The following SHISA9 variants were observed in gnomAD, a reference collection of about 807,000 sequenced individuals.
SHISA9 encodes the protein shisa family member 9.
Under a neutral mutation model 38.0 loss-of-function variants are expected in SHISA9, and 13 were observed. That is an observed-to-expected ratio of 0.34 (90% CI 0.22 to 0.54). The LOEUF is 0.54. Ranked by LOEUF, SHISA9 falls within the 20% of genes least tolerant of loss-of-function variation. SHISA9 has a pLI of 0.91. For synonymous variants in SHISA9, 275 were observed against 242.0 expected (o/e 1.14, Z -1.27); for missense variants, 538 against 575.8 (o/e 0.93, Z 0.67).
intron 2 of SHISA9, among the ~76,000 whole-genome samples, chr16:12,967,002 A>G (rs1359801796): frequency 1.3e-5 from 2 of 152,188 alleles, no homozygotes; most frequent in Non-Finnish European, 2.9e-5. Flanking sequence ...AATGAATAAG[A>G]CATGGTCCTG....
chr16:13,469,706 A>T, the SHISA9 span, among the ~76,000 whole-genome samples: 4 of 152,220 alleles, frequency 2.6e-5, no homozygotes, highest in African/African-American at 9.6e-5. Flanking sequence ...CCTCAGGGTA[A>T]TCACAGGGTA....
the SHISA9 span, among the ~76,000 whole-genome samples, chr16:13,359,355 C>T: frequency 1.3e-5 from 2 of 152,038 alleles, no homozygotes; most frequent in Non-Finnish European, 1.5e-5. Context: ...TGGTGGTGGG[C>T]ACCTGTAATC....
chr16:12,925,647 C>G (rs1480768148), intron 2 of SHISA9, among the ~76,000 whole-genome samples: 1 of 152,182 alleles, frequency 6.6e-6, no homozygotes, highest in Non-Finnish European at 1.5e-5. Context: ...GTAAAGAAAG[C>G]CTAAGTGCTC....
At chr16:13,047,481 T>G (rs995313028) in intron 2 of SHISA9, among the ~76,000 whole-genome samples, 2 of 152,216 alleles carry the variant, frequency 1.3e-5, no homozygotes, top group African/African-American at 4.8e-5. Flanking sequence ...GAAAGAAGTT[T>G]GCAATCTGTC....
the SHISA9 span, among the ~76,000 whole-genome samples, chr16:13,327,344 G>A: frequency 4.6e-5 from 7 of 151,972 alleles, no homozygotes; most frequent in African/African-American, 2.4e-5. Context: ...AGCCACGTGC[G>A]GTGTCTCATG....
At chr16:13,153,715 CT>C (rs2050519110) in intron 2 of SHISA9, among the ~76,000 whole-genome samples, 1 of 152,188 alleles carries the variant, frequency 6.6e-6, no homozygotes, top group African/African-American at 2.4e-5. Context: ...GTTTGCCAGT[CT>C]TCTCTGGAGC....
chr16:13,054,681 C>T (rs2073289876), intron 2 of SHISA9, among the ~76,000 whole-genome samples: 1 of 152,178 alleles, frequency 6.6e-6, no homozygotes, highest in Non-Finnish European at 1.5e-5. Context: ...ACCTCGTATG[C>T]AGAGGGTTTA....
chr16:13,169,047 T>G (rs1247266704), intron 2 of SHISA9, among the ~76,000 whole-genome samples: 1 of 152,192 alleles, frequency 6.6e-6, no homozygotes, highest in Non-Finnish European at 1.5e-5. Context: ...CAGCTTTTGC[T>G]TTTGGATTTC....
chr16:13,492,351 T>A, the SHISA9 span, among the ~76,000 whole-genome samples: 1 of 152,200 alleles, frequency 6.6e-6, no homozygotes, highest in Non-Finnish European at 1.5e-5. Context: ...GTTAACGGTG[T>A]TCTTGGAGAG....
At chr16:13,267,383 A>G in the SHISA9 span, among the ~76,000 whole-genome samples, 1 of 152,200 alleles carries the variant, frequency 6.6e-6, no homozygotes, top group Non-Finnish European at 1.5e-5. Flanking sequence ...TTTCCAAAAA[A>G]TGAGACTACC....
rs147999440 is a variant in SHISA9 at position 12,920,864 on chromosome 16, G to A, written c.691+4049G>A. Among the ~76,000 whole-genome samples, 765 of 152,274 alleles carry A rather than the reference G, an allele frequency of 5.0e-3. 7 individuals are homozygous for A. Among genetic ancestry groups the A allele is most frequent in the Non-Finnish European group, 8.1e-3 (551 of 68,026 alleles). On this transcript the variant is annotated intron_variant, in intron 2 of 4. Transcript: ENST00000558583. ...TCTAGAGTCCCATCCAGGATACCAC[G>A]TTGTCTTTAATAGAGCACACTTTGA...
At chr16:13,494,459 A>G in the SHISA9 span, among the ~76,000 whole-genome samples, 2 of 152,238 alleles carry the variant, frequency 1.3e-5, no homozygotes, top group African/African-American at 4.8e-5. Flanking sequence ...AAATTAAAAC[A>G]AAAAACCAAC....
At chr16:13,203,926 AATCT>A (rs1309685841) in intron 3 of SHISA9, among the ~76,000 whole-genome samples, 6 of 151,478 alleles carry the variant, frequency 4.0e-5, no homozygotes, top group Non-Finnish European at 8.8e-5. Context: ...TTATCTATTG[AATCT>A]ATCTACCTAT....
At chr16:13,083,650 A>G (rs276642) in intron 2 of SHISA9, among the ~76,000 whole-genome samples, 28,622 of 152,040 alleles carry the variant, frequency 0.19, 4,792 homozygotes, top group African/African-American at 0.44. Flanking sequence ...CTGGCCTTCC[A>G]TATTCTCATG....
At chr16:13,554,282 C>A in the SHISA9 span, among the ~76,000 whole-genome samples, 1 of 139,700 alleles carries the variant, frequency 7.2e-6, no homozygotes. Flanking sequence ...GAGAGGAGAT[C>A]TAGTTGCTAG....
intron 2 of SHISA9, among the ~76,000 whole-genome samples, chr16:13,062,376 G>T (rs1262617936): frequency 6.6e-6 from 1 of 152,108 alleles, no homozygotes; most frequent in Non-Finnish European, 1.5e-5. Context: ...TGCAGTTTTC[G>T]CAGAGTAGAT....
the SHISA9 span, among the ~76,000 whole-genome samples, chr16:13,507,645 T>C: frequency 2.8e-4 from 42 of 152,292 alleles, no homozygotes; most frequent in East Asian, 6.7e-3. Flanking sequence ...ACTCTGAGTG[T>C]GGTTGAATTT....
At chr16:12,930,102 C>T (rs1182500528) in intron 2 of SHISA9, among the ~76,000 whole-genome samples, 1 of 152,166 alleles carries the variant, frequency 6.6e-6, no homozygotes, top group Non-Finnish European at 1.5e-5. Context: ...ACATTTTCCC[C>T]ACAACATGTT....
chr16:13,195,157 A>G (rs1367442198), intron 2 of SHISA9, among the ~76,000 whole-genome samples: 2 of 152,228 alleles, frequency 1.3e-5, no homozygotes. Context: ...TTCTAATATT[A>G]TTCTCCAATA....
Sources: gnomAD v4.1 joint callset for allele counts (sites outside exome capture counted in the v4.1 genomes callset) on GRCh38, gnomAD v4.1.1 for gene constraint, MANE v1.5 for transcripts, NCBI Gene and HGNC (gene_info 2026-07-23, HGNC 2026-07-21) for gene names.